TSC22D3: variants seen among roughly 807,000 people sequenced by gnomAD.
The protein encoded by TSC22D3 is TSC22 domain family protein 3.
Under a neutral mutation model 11.1 loss-of-function variants are expected in TSC22D3, and 4 were observed. The ratio of observed to expected loss-of-function variants is 0.36; its 90% CI spans 0.18 to 0.83. The LOEUF (loss-of-function observed/expected upper bound fraction) is 0.83, where lower values mean the gene tolerates loss of function less well. Among genes scored for constraint, TSC22D3 ranks in the 40% least tolerant of loss-of-function variants. The pLI is 0.48. For synonymous variants in TSC22D3, 77 were observed against 70.3 expected, an observed-to-expected ratio of 1.10 and a Z score of -0.48; for missense variants, 118 against 159.4, an observed-to-expected ratio of 0.74 and a Z score of 1.40.
chrX:107,718,404 T>C lies in TSC22D3; in HGVS notation c.321-2454A>G, dbSNP rs780923860. ...TGGATGAAGTTAAGGCCAGTACCCA[T>C]GAATCAGTGCTCCACAGGCTGTGGT... On this transcript the variant is annotated intron_variant, in intron 1 of 2. Transcript: ENST00000372383. Among the ~76,000 whole-genome samples the C allele has an allele frequency of 2.3e-3, 261 of 112,920 alleles. 2 individuals carry two copies. Among genetic ancestry groups the C allele is most frequent in the African/African-American group, 8.0e-3 (248 of 31,107 alleles).
chrX:107,757,314 A>T (rs943747109), intron 1 of TSC22D3, among the ~76,000 whole-genome samples: 1 of 111,515 alleles, frequency 9.0e-6, no homozygotes, highest in Non-Finnish European at 1.9e-5. Flanking sequence ...CTAATGTGGG[A>T]GGTCACAGGG....
At chrX:107,750,826 C>T (rs1339107830) in intron 1 of TSC22D3, among the ~76,000 whole-genome samples, 5 of 111,395 alleles carry the variant, frequency 4.5e-5, no homozygotes, top group South Asian at 7.6e-4. Flanking sequence ...CTGAGGCAGA[C>T]GGCACAGTGT....
intron 1 of TSC22D3, among the ~76,000 whole-genome samples, chrX:107,736,618 C>T (rs1232373522): frequency 4.5e-5 from 5 of 111,444 alleles, no homozygotes; most frequent in Non-Finnish European, 9.4e-5. Flanking sequence ...TAGTGGCACA[C>T]CTGGGATGCA....
chrX:107,724,274 A>T (rs1927499337), intron 1 of TSC22D3, among the ~76,000 whole-genome samples: 1 of 112,900 alleles, frequency 8.9e-6, no homozygotes, highest in Non-Finnish European at 1.9e-5. Context: ...CAGAAAGAAA[A>T]GGAGAAACAG....
chrX:107,724,245 G>T (rs957302630), intron 1 of TSC22D3, among the ~76,000 whole-genome samples: 7 of 112,559 alleles, frequency 6.2e-5, no homozygotes, highest in Non-Finnish European at 1.3e-4. Context: ...AGGAGGCAGG[G>T]GGCACACTAT....
At chrX:107,726,431 G>A (rs1332262308) in intron 1 of TSC22D3, among the ~76,000 whole-genome samples, 2 of 111,501 alleles carry the variant, frequency 1.8e-5, no homozygotes, top group Non-Finnish European at 3.8e-5. Flanking sequence ...AGTGTTGGGG[G>A]TGGGGTTGAA....
At chrX:107,743,096 G>A (rs1362971749) in intron 1 of TSC22D3, among the ~76,000 whole-genome samples, 1 of 112,438 alleles carries the variant, frequency 8.9e-6, no homozygotes, top group Non-Finnish European at 1.9e-5. Flanking sequence ...CGTCTGACCC[G>A]CTGCCCCACC....
At chrX:107,752,699 C>A (rs1205365802) in intron 1 of TSC22D3, among the ~76,000 whole-genome samples, 1 of 111,246 alleles carries the variant, frequency 9.0e-6, no homozygotes, top group Non-Finnish European at 1.9e-5. Context: ...TTAGGAGCCA[C>A]CTGGATGGAT....
In TSC22D3 at chrX:107,743,153, C is replaced by T. The variant is rs751612417; in HGVS notation, c.321-27203G>A. Among the ~76,000 whole-genome samples the T allele has an allele frequency of 1.4e-4, 16 of 112,806 alleles. No individual in the cohort carries two copies. In the Admixed American group the frequency reaches 1.5e-3, roughly 10 times the overall value. On this transcript the variant is annotated intron_variant, in intron 1 of 2. Coordinates refer to ENST00000372383, the MANE Select transcript of TSC22D3 (RefSeq NM_198057.3). ...CAGAGCGGCCCTTGGCCCTGAGCTACGGGAGAAGCCAGTTCCGAAGAAGAA... is the reference window on the plus strand; with the variant it reads ...CAGAGCGGCCCTTGGCCCTGAGCTATGGGAGAAGCCAGTTCCGAAGAAGAA...
chrX:107,732,539 C>T (rs1927936967), intron 1 of TSC22D3, among the ~76,000 whole-genome samples: 1 of 111,593 alleles, frequency 9.0e-6, no homozygotes, highest in African/African-American at 3.3e-5. Flanking sequence ...CCTTTCCTTC[C>T]CTACTCTTTC....
At chrX:107,756,368 C>A (rs1007982069) in intron 1 of TSC22D3, among the ~76,000 whole-genome samples, 1 of 111,794 alleles carries the variant, frequency 8.9e-6, no homozygotes, top group Non-Finnish European at 1.9e-5. Flanking sequence ...CTGTATATTC[C>A]CCCAATACAT....
chrX:107,754,767 G>A (rs190183533), intron 1 of TSC22D3, among the ~76,000 whole-genome samples: 2 of 112,418 alleles, frequency 1.8e-5, no homozygotes, highest in Admixed American at 1.9e-4. Context: ...AGCTAGCTTG[G>A]GGGTTAGGGC....
At chrX:107,726,285 G>A (rs1175127763) in intron 1 of TSC22D3, among the ~76,000 whole-genome samples, 1 of 111,282 alleles carries the variant, frequency 9.0e-6, no homozygotes, top group Non-Finnish European at 1.9e-5. Context: ...TTATTTTTAT[G>A]TTTAATTTAC....
chrX:107,775,033 A>G, intron 1 of TSC22D3, 67 bp downstream of exon 1: 2 of 1,139,462 alleles, frequency 1.8e-6, no homozygotes, highest in Non-Finnish European at 2.4e-6. Flanking sequence ...CTTTTGCCAG[A>G]GATGAGGGTG....
intron 1 of TSC22D3, among the ~76,000 whole-genome samples, chrX:107,773,604 A>T (rs1395752105): frequency 1.8e-5 from 2 of 112,495 alleles, no homozygotes; most frequent in Non-Finnish European, 1.9e-5. Flanking sequence ...ATTTTTAAAA[A>T]TTCAGCCTGG....
chrX:107,725,310 G>C (rs913748999), intron 1 of TSC22D3, among the ~76,000 whole-genome samples: 1 of 112,602 alleles, frequency 8.9e-6, no homozygotes, highest in Non-Finnish European at 1.9e-5. Flanking sequence ...GGTAAACCTT[G>C]ATGGTGGGCT....
Position 107,755,851 on chromosome X carries a change from A to G in TSC22D3, c.320+19249T>C, listed in dbSNP as rs1440829504. Among the ~76,000 whole-genome samples the G allele has an allele frequency of 5.4e-5, 6 of 112,025 alleles. No homozygotes were observed. The South Asian group carries it at 1.9e-3, about 35-fold the overall frequency. On this transcript the variant is annotated intron_variant, in intron 1 of 2. Coordinates refer to ENST00000372383, the MANE Select transcript of TSC22D3 (RefSeq NM_198057.3). The stretch of plus-strand genomic sequence containing the variant: ...CGTGAACAATGCCAAGAAGAAATCA[A>G]TGGAGGCTGGTGAGGACAGACCCAG...
At chrX:107,747,376 A>G (rs918264224) in intron 1 of TSC22D3, among the ~76,000 whole-genome samples, 3 of 112,535 alleles carry the variant, frequency 2.7e-5, no homozygotes, top group Non-Finnish European at 5.6e-5. Context: ...GGGGAAGCTT[A>G]GAAAGAGAAG....
intron 1 of TSC22D3, among the ~76,000 whole-genome samples, chrX:107,731,640 A>G (rs1290097402): frequency 9.0e-6 from 1 of 111,499 alleles, no homozygotes; most frequent in Non-Finnish European, 1.9e-5. Flanking sequence ...CAGTTCTGAC[A>G]GTCTCAGTCT....
Sources: gnomAD v4.1 joint callset for allele counts (sites outside exome capture counted in the v4.1 genomes callset) on GRCh38, gnomAD v4.1.1 for gene constraint, MANE v1.5 for transcripts, NCBI Gene and HGNC (gene_info 2026-07-23, HGNC 2026-07-21) for gene names.